ZMAT1: variants seen among roughly 807,000 people sequenced by gnomAD.
ZMAT1 encodes the protein zinc finger matrin-type 1.
In ZMAT1, 11 loss-of-function variants were observed where a neutral mutation model predicts 18.5. The ratio of observed to expected loss-of-function variants is 0.59; its 90% CI spans 0.37 to 0.98. ZMAT1 has a LOEUF of 0.98. Among genes scored for constraint, ZMAT1 ranks in the 50% least tolerant of loss-of-function variants. The probability of loss-of-function intolerance (pLI) is 0.01; values close to 1 mark genes in which losing one functional copy is unlikely to be tolerated. For missense variants in ZMAT1, 525 were observed against 496.2 expected, an observed-to-expected ratio of 1.06 and a Z score of -0.55; for synonymous variants, 211 against 176.4, an observed-to-expected ratio of 1.20 and a Z score of -1.55.
chrX:101,911,839 T>C, intron 1 of ZMAT1: 1 of 1,206,169 alleles, frequency 8.3e-7, no homozygotes, highest in Non-Finnish European at 1.1e-6. Context: ...ATCGGTGCAA[T>C]GAGTGTGGGA....
Position 101,884,128 on chromosome X carries a change from G to C in ZMAT1, c.1470C>G (p.Val490=). Residue 490 remains valine (V), a synonymous_variant, in exon 6 of 6, where the codon GTC becomes GTG. Transcript: ENST00000651725. ...GCTCCAACATTCTATGTCTGGGTCT[G>C]ACATCAACCATTTCTCTGTTCCTGT... ...ETHRNREMVD[V]RPRHRMLEQK... The C allele has an allele frequency of 8.3e-7, 1 of 1,209,756 alleles. No individual in the cohort carries two copies. The highest frequency in any genetic ancestry group is 1.1e-6 in the Non-Finnish European group (1 of 895,179).
intron 1 of ZMAT1, among the ~76,000 whole-genome samples, chrX:101,930,668 A>G (rs1930421308): frequency 8.9e-6 from 1 of 112,418 alleles, no homozygotes; most frequent in Non-Finnish European, 1.9e-5. Context: ...GAGGCAAGTT[A>G]GCAACATAAG....
intron 1 of ZMAT1, among the ~76,000 whole-genome samples, chrX:101,904,859 C>G (rs1245150689): frequency 9.0e-6 from 1 of 111,512 alleles, no homozygotes; most frequent in East Asian, 2.8e-4. Context: ...CTGAGATGAT[C>G]ACTTGAGCCC....
At chrX:101,908,546 C>G (rs1410111397) in intron 1 of ZMAT1, among the ~76,000 whole-genome samples, 2 of 111,930 alleles carry the variant, frequency 1.8e-5, no homozygotes, top group East Asian at 5.6e-4. Flanking sequence ...GATGCCACCC[C>G]TCCCCCATCC....
At chrX:101,887,991 A>C (rs1927083606) in intron 4 of ZMAT1, 1 of 111,424 alleles carries the variant, frequency 9.0e-6, no homozygotes, top group South Asian at 3.7e-4. Context: ...CTTAAAGTAC[A>C]ATGTTTCCCA....
At chrX:101,913,147 C>T (rs1929073464) in intron 1 of ZMAT1, among the ~76,000 whole-genome samples, 1 of 111,374 alleles carries the variant, frequency 9.0e-6, no homozygotes, top group African/African-American at 3.3e-5. Context: ...AAGGTATCTG[C>T]AAGCCTCATG....
intron 1 of ZMAT1, among the ~76,000 whole-genome samples, chrX:101,929,011 A>G (rs1930240812): frequency 9.0e-6 from 1 of 110,918 alleles, no homozygotes; most frequent in South Asian, 3.8e-4. Flanking sequence ...GTCTTTTCAG[A>G]TGGCATTTCT....
At chrX:101,894,915 A>G (rs1161063291) in intron 4 of ZMAT1, 3 of 741,506 alleles carry the variant, frequency 4.0e-6, no homozygotes, top group Non-Finnish European at 4.8e-6. Flanking sequence ...CTGTGGGGGG[A>G]AAAATGAAAA....
intron 4 of ZMAT1, among the ~76,000 whole-genome samples, chrX:101,891,625 C>G (rs1415292451): frequency 2.7e-5 from 3 of 110,903 alleles, no homozygotes; most frequent in Non-Finnish European, 5.7e-5. Context: ...TGGAGAATGC[C>G]ATTCTTTAAA....
chrX:101,888,517 C>T (rs1355213539), intron 4 of ZMAT1: 1 of 111,290 alleles, frequency 9.0e-6, no homozygotes, highest in East Asian at 2.8e-4. Flanking sequence ...CCATGTCAGA[C>T]CAATTAAATC....
chrX:101,886,106 T>C (rs1021970398), intron 5 of ZMAT1, among the ~76,000 whole-genome samples: 1 of 112,403 alleles, frequency 8.9e-6, no homozygotes, highest in South Asian at 3.7e-4. Context: ...TAAATATTTA[T>C]TGAACTCCTA....
chrX:101,924,204 C>T (rs888075354), intron 1 of ZMAT1, among the ~76,000 whole-genome samples: 4 of 111,119 alleles, frequency 3.6e-5, no homozygotes, highest in Non-Finnish European at 5.7e-5. Flanking sequence ...CTCTGCCTCC[C>T]GAGTTCAAGT....
chrX:101,896,145 T>TA (rs920424212), intron 4 of ZMAT1, among the ~76,000 whole-genome samples: 8 of 112,017 alleles, frequency 7.1e-5, no homozygotes, highest in Non-Finnish European at 1.3e-4. Context: ...TATATTCATA[T>TA]AAAAATCAAT....
At chrX:101,920,020 A>C (rs940139668) in intron 1 of ZMAT1, among the ~76,000 whole-genome samples, 20 of 101,083 alleles carry the variant, frequency 2.0e-4, no homozygotes, top group Non-Finnish European at 3.2e-4. Context: ...CTATGAATAC[A>C]ACAATCCTTT....
chrX:101,895,124 T>C (rs1047518066), intron 4 of ZMAT1, among the ~76,000 whole-genome samples: 1 of 111,401 alleles, frequency 9.0e-6, no homozygotes, highest in African/African-American at 3.3e-5. Flanking sequence ...CAAAAATATG[T>C]ACACAAAAAT....
intron 1 of ZMAT1, among the ~76,000 whole-genome samples, chrX:101,917,960 T>C (rs1384931603): frequency 8.9e-6 from 1 of 111,953 alleles, no homozygotes; most frequent in East Asian, 2.8e-4. Flanking sequence ...ATATTCTCAC[T>C]TATTTGTGGG....
At position 101,882,797 on chromosome X, in the gene ZMAT1, C is replaced by T. The variant is rs186896086; in HGVS notation, c.*713G>A. 1 of 110,668 alleles carries T rather than the reference C, an allele frequency of 9.0e-6. No homozygotes were observed. The highest frequency in any genetic ancestry group is 2.8e-4 in the East Asian group (1 of 3,525). The allele number at this position is 110,668 out of a possible 1,213,427, so 9.1% of individuals were successfully genotyped here. ...GGAAAAGGCATACTGAATACTTTTA[C>T]TTCACTTGGCTTTTTTAGAGATTAA... is the stretch of plus-strand genomic sequence containing the variant. On this transcript the variant is annotated 3_prime_UTR_variant, in exon 6 of 6. Transcript: ENST00000651725.
Position 101,888,824 on chromosome X carries a change from A to T in ZMAT1, c.677-2093T>A, listed in dbSNP as rs776226598. ...TCCAACGTGGCCCATGGAAGCCGAA[A>T]GATTGGACACCTCTACCCTAGATTA... On this transcript the variant is annotated intron_variant, in intron 4 of 5. Coordinates refer to ENST00000651725, the MANE Select transcript of ZMAT1 (RefSeq NM_001394560.1). 3.6e-5 allele frequency: 4 copies of T among 112,179 alleles called. No homozygotes were observed. The South Asian group carries it at 1.5e-3, about 41-fold the overall frequency. The allele number at this position is 112,179 out of a possible 1,213,427, so 9.2% of individuals were successfully genotyped here.
Position 101,931,128 on chromosome X carries a change from C to G in ZMAT1, c.292+589G>C, listed in dbSNP as rs750658505. ...CTTACCTTCCTAAAATCCGACAGAT[C>G]CTACTTTAAAGCTCAAGTATACACT... On this transcript the variant is annotated intron_variant, in intron 1 of 5. Transcript: ENST00000651725. 1.1e-4 allele frequency among the ~76,000 whole-genome samples: 12 copies of G among 112,016 alleles called. No homozygotes were observed. In the South Asian group the frequency reaches 1.1e-3, roughly 10 times the overall value.
Sources: allele counts gnomAD v4.1 joint callset (sites outside exome capture counted in the v4.1 genomes callset), GRCh38; gene constraint gnomAD v4.1.1; transcripts MANE v1.5; gene names NCBI Gene and HGNC (gene_info 2026-07-23, HGNC 2026-07-21).